CCDC141: variants seen among roughly 807,000 people sequenced by gnomAD.
The protein encoded by CCDC141 is coiled-coil domain-containing protein 141.
In CCDC141, 168 loss-of-function variants were observed where a neutral mutation model predicts 181.0. That is an observed-to-expected ratio of 0.93 (90% confidence interval 0.82 to 1.05). CCDC141 has a LOEUF of 1.05. CCDC141 is among the 50% of genes least tolerant of loss of function. The pLI, the probability that CCDC141 is intolerant of heterozygous loss-of-function variation, is 0.00. For synonymous variants in CCDC141, 666 were observed against 642.3 expected (o/e 1.04, Z -0.56); for missense variants, 1,902 against 1,788.5 (o/e 1.06, Z -1.14).
rs35229059 is a variant in CCDC141 at position 179,041,491 on chromosome 2, G to GTTTT, written c.225+5789_225+5792dup. Among the ~76,000 whole-genome samples the GTTTT allele has an allele frequency of 2.6e-3, 156 of 58,918 alleles. 3 individuals are homozygous for GTTTT. The highest frequency in any genetic ancestry group is 5.7e-3 in the South Asian group (6 of 1,048). The allele number at this position is 58,918 out of a possible 152,430, so 38.7% of individuals were successfully genotyped here. ...TATTATTTAATCGGGTTGGTTGTGG[G>GTTTT]TTTTTTTTTTTTTTTTTTTTTTTTT... On this transcript the variant is annotated intron_variant, in intron 2 of 23. Transcript: ENST00000443758.
chr2:179,022,111 G>T (rs1387884966), intron 2 of CCDC141, among the ~76,000 whole-genome samples: 1 of 152,060 alleles, frequency 6.6e-6, no homozygotes, highest in Non-Finnish European at 1.5e-5. Context: ...CAGGTGTATG[G>T]ACCAAATAAT....
At chr2:178,956,784 G>C (rs973053256) in intron 5 of CCDC141, among the ~76,000 whole-genome samples, 5 of 152,038 alleles carry the variant, frequency 3.3e-5, no homozygotes, top group African/African-American at 1.2e-4. Flanking sequence ...AACTATACTT[G>C]TAACAGCCTC....
chr2:178,921,961 A>T, intron 6 of CCDC141, among the ~76,000 whole-genome samples: 1 of 152,228 alleles, frequency 6.6e-6, no homozygotes, highest in East Asian at 1.9e-4. Context: ...GTAATTCTTT[A>T]AAAAGATTTG....
At chr2:179,049,593 T>TC (rs1238192936) in intron 1 of CCDC141, among the ~76,000 whole-genome samples, 4 of 151,102 alleles carry the variant, frequency 2.6e-5, no homozygotes, top group African/African-American at 7.3e-5. Context: ...TCTTTTCTTT[T>TC]TTTTTTTTTT....
chr2:178,856,627 C>T lies in CCDC141; in HGVS notation c.2725-230G>A, dbSNP rs148586284. Among the ~76,000 whole-genome samples the T allele has an allele frequency of 0.021, 3,199 of 149,612 alleles. 104 individuals are homozygous for T. The highest frequency in any genetic ancestry group is 0.073 in the African/African-American group (2,975 of 40,836). On this transcript the variant is annotated intron_variant, in intron 17 of 23. Coordinates refer to ENST00000443758, the MANE Select transcript of CCDC141 (RefSeq NM_173648.4). ...TTTTTGAGACAGGGTCTCACTTTGTCACTCAGGCTGGAGTGCATTGGCACG... is the reference window on the plus strand; with the variant it reads ...TTTTTGAGACAGGGTCTCACTTTGTTACTCAGGCTGGAGTGCATTGGCACG...
Position 178,953,834 on chromosome 2 carries a change from C to T in CCDC141, c.780+7396G>A, listed in dbSNP as rs182074945. 4.6e-5 allele frequency among the ~76,000 whole-genome samples: 7 copies of T among 152,314 alleles called. No individual in the cohort carries two copies. The East Asian group carries it at 9.7e-4, about 21-fold the overall frequency. On this transcript the variant is annotated intron_variant, in intron 5 of 23. Transcript: ENST00000443758. ...AGGTGGCATCATGTATAAGAGATTACACTCACATGTGCCTGTATGGGTGCA... is the reference window on the plus strand; with the variant it reads ...AGGTGGCATCATGTATAAGAGATTATACTCACATGTGCCTGTATGGGTGCA...
intron 21 of CCDC141, among the ~76,000 whole-genome samples, chr2:178,846,848 G>A (rs749226087): frequency 2.0e-5 from 3 of 152,090 alleles, no homozygotes; most frequent in African/African-American, 4.8e-5. Context: ...GTATATGAAC[G>A]TCCTTTGTAA....
chr2:178,855,384 A>C lies in CCDC141; in HGVS notation c.3023T>G (p.Leu1008Trp), dbSNP rs1237709294. 3 of 1,612,180 alleles carry C rather than the reference A, an allele frequency of 1.9e-6. No individual in the cohort carries two copies. The highest frequency in any genetic ancestry group is 2.5e-6 in the Non-Finnish European group (3 of 1,179,408). Residue 1008 changes from leucine (L) to tryptophan (W), a missense_variant, in exon 19 of 24, where the codon TTG becomes TGG. Coordinates refer to ENST00000443758, the MANE Select transcript of CCDC141 (RefSeq NM_173648.4). ...CTCCTGGAAATGCTCAGTCAGGTCC[A>C]AATTCTTCTTGTAATCTGTCACAAC... ...DKVVTDYKKN[L>W]DLTEHFQEVI...
chr2:178,838,575 C>T (rs1418376493), intron 22 of CCDC141, among the ~76,000 whole-genome samples: 2 of 152,210 alleles, frequency 1.3e-5, no homozygotes, highest in Non-Finnish European at 2.9e-5. Context: ...TGAGCACCTA[C>T]TGCTATACAC....
At chr2:178,972,750 C>G (rs565622696) in intron 4 of CCDC141, among the ~76,000 whole-genome samples, 1 of 152,186 alleles carries the variant, frequency 6.6e-6, no homozygotes, top group Non-Finnish European at 1.5e-5. Flanking sequence ...ATTATTCCCT[C>G]TCTTTCAAGG....
At chr2:178,996,703 G>A (rs1405049705) in intron 2 of CCDC141, among the ~76,000 whole-genome samples, 1 of 152,174 alleles carries the variant, frequency 6.6e-6, no homozygotes, top group Non-Finnish European at 1.5e-5. Context: ...ATTTCGTTGG[G>A]ACTCTCCCAT....
chr2:178,833,623 C>T lies in CCDC141; in HGVS notation c.*550G>A, dbSNP rs533393221. On this transcript the variant is annotated 3_prime_UTR_variant, in exon 24 of 24. Transcript: ENST00000443758. The stretch of plus-strand genomic sequence containing the variant: ...GAGCAACATGAGGAATGATTATTTA[C>T]AATGACATCATCAGACTCAGGAACG... 2.6e-5 allele frequency: 4 copies of T among 153,450 alleles called. No homozygotes were observed. The highest frequency in any genetic ancestry group is 2.6e-4 in the Admixed American group (4 of 15,522). 9.5% of individuals were successfully genotyped at this position (153,450 alleles called of 1,614,324 possible).
Position 178,900,424 on chromosome 2 carries a change from G to T in CCDC141, c.1265+4905C>A, listed in dbSNP as rs1211575507. Among the ~76,000 whole-genome samples the T allele has an allele frequency of 2.6e-5, 4 of 152,152 alleles. No individual in the cohort carries two copies. The East Asian group carries it at 5.8e-4, about 22-fold the overall frequency. ...ATACATGTAGAGTGTCAAAAACAAT[G>T]CCATGACATTTAAACTTAACTTCTC... On this transcript the variant is annotated intron_variant, in intron 8 of 23. Transcript: ENST00000443758.
intron 8 of CCDC141, among the ~76,000 whole-genome samples, chr2:178,893,694 C>G (rs919556129): frequency 2.6e-4 from 39 of 152,024 alleles, no homozygotes; most frequent in African/African-American, 9.2e-4. Context: ...TGAAAAAGTG[C>G]CATTTATACT....
chr2:178,871,458 T>C lies in CCDC141; in HGVS notation c.2174A>G (p.Gln725Arg). 6.2e-7 allele frequency: 1 copy of C among 1,613,942 alleles called. No homozygotes were observed. The highest frequency in any genetic ancestry group is 1.3e-5 in the African/African-American group (1 of 75,052). The part of the protein sequence containing the change: ...GSLQFILDLR[Q>R]KWNDMKPQFQ... The stretch of plus-strand genomic sequence containing the variant: ...CTGAGGCTTCATGTCATTCCATTTT[T>C]GTCGTAGATCTAAAATGAACTGGAG... The change falls in exon 14 of 24, where the codon CAA (glutamine) becomes CGA (arginine). Residue 725 changes from glutamine to arginine, a missense_variant. By Grantham distance (43) the Gln-to-Arg change is conservative. Transcript: ENST00000443758.
intron 6 of CCDC141, among the ~76,000 whole-genome samples, chr2:178,921,511 G>T (rs2154374920): frequency 6.6e-6 from 1 of 152,270 alleles, no homozygotes; most frequent in Admixed American, 6.5e-5. Context: ...ACAGTCTTAT[G>T]AGATGAAACA....
chr2:179,004,256 G>A (rs2042062697), intron 2 of CCDC141, among the ~76,000 whole-genome samples: 1 of 152,042 alleles, frequency 6.6e-6, no homozygotes, highest in Admixed American at 6.5e-5. Context: ...GCATCCTTGG[G>A]TCATCCCTCC....
chr2:179,026,409 T>C (rs961790097), intron 2 of CCDC141, among the ~76,000 whole-genome samples: 2 of 152,194 alleles, frequency 1.3e-5, no homozygotes, highest in Admixed American at 6.5e-5. Context: ...CCCTGGCATC[T>C]TCCATGTGAT....
At chr2:178,891,510 C>T (rs913855433) in intron 8 of CCDC141, among the ~76,000 whole-genome samples, 6 of 152,078 alleles carry the variant, frequency 3.9e-5, no homozygotes, top group African/African-American at 1.4e-4. Flanking sequence ...TGAGTGTTCT[C>T]GGCTGTCATA....
Sources: gnomAD v4.1 joint callset for allele counts (sites outside exome capture counted in the v4.1 genomes callset) on GRCh38, gnomAD v4.1.1 for gene constraint, MANE v1.5 for transcripts, NCBI Gene and HGNC (gene_info 2026-07-23, HGNC 2026-07-21) for gene names.